The following NRXN3 variants were observed in gnomAD, a reference collection of about 807,000 sequenced individuals.
NRXN3 encodes neurexin 3, also known as neurexin III.
A neutral mutation model predicts 137.6 loss-of-function variants in NRXN3; 32 were observed. That is an observed-to-expected ratio of 0.23 (90% CI 0.18 to 0.31). The LOEUF (loss-of-function observed/expected upper bound fraction) is 0.31. NRXN3 is among the 10% of genes least tolerant of loss of function. NRXN3 has a pLI of 1.00. For missense variants in NRXN3, 1,574 were observed against 2,062.5 expected (o/e 0.76, Z 4.59); for synonymous variants, 798 against 784.5 (o/e 1.02, Z -0.29).
intron 8 of NRXN3, among the ~76,000 whole-genome samples, chr14:78,792,936 A>G (rs1474970286): frequency 1.3e-5 from 2 of 152,196 alleles, no homozygotes; most frequent in African/African-American, 4.8e-5. Context: ...TATAACACAG[A>G]TGAGCTCTTT....
chr14:79,052,375 A>C (rs2152573381), intron 15 of NRXN3, among the ~76,000 whole-genome samples: 1 of 152,360 alleles, frequency 6.6e-6, no homozygotes, highest in Admixed American at 6.5e-5. Flanking sequence ...AAAGAACTAA[A>C]GCTGATTTTT....
intron 15 of NRXN3, among the ~76,000 whole-genome samples, chr14:79,118,270 A>G (rs975169760): frequency 1.3e-5 from 2 of 152,128 alleles, no homozygotes; most frequent in Non-Finnish European, 2.9e-5. Context: ...TAGTTTGCTC[A>G]CAAAAGCTTC....
chr14:78,750,353 A>G (rs2098635110), intron 8 of NRXN3, among the ~76,000 whole-genome samples: 1 of 152,172 alleles, frequency 6.6e-6, no homozygotes, highest in South Asian at 2.1e-4. Context: ...AATCATAGGA[A>G]CCTCAAGTTT....
At chr14:79,056,511 A>G (rs77153591) in intron 15 of NRXN3, among the ~76,000 whole-genome samples, 1,984 of 152,294 alleles carry the variant, frequency 0.013, 42 homozygotes, top group African/African-American at 0.046. Flanking sequence ...CAATATAAAC[A>G]AAGAGCTATG....
chr14:78,777,960 G>A (rs2098750058), intron 8 of NRXN3, among the ~76,000 whole-genome samples: 1 of 152,016 alleles, frequency 6.6e-6, no homozygotes, highest in Non-Finnish European at 1.5e-5. Context: ...ACAGGGTTTT[G>A]CCATGTTGTA....
At chr14:78,291,182 T>C (rs2075770194) in intron 3 of NRXN3, among the ~76,000 whole-genome samples, 1 of 152,232 alleles carries the variant, frequency 6.6e-6, no homozygotes, top group Non-Finnish European at 1.5e-5. Flanking sequence ...ATGGTTACCA[T>C]CACAGGCTGG....
At chr14:79,471,638 G>GT (rs2096509177) in intron 16 of NRXN3, among the ~76,000 whole-genome samples, 1 of 152,164 alleles carries the variant, frequency 6.6e-6, no homozygotes, top group African/African-American at 2.4e-5. Context: ...CAGAATTTAA[G>GT]TTTTGATAGG....
chr14:79,192,299 T>C (rs760892135), intron 15 of NRXN3, among the ~76,000 whole-genome samples: 3 of 152,194 alleles, frequency 2.0e-5, no homozygotes, highest in Non-Finnish European at 4.4e-5. Flanking sequence ...TCTTTAGAGA[T>C]AGTTGTCAAG....
chr14:78,492,753 G>A (rs1402114571), intron 4 of NRXN3, among the ~76,000 whole-genome samples: 2 of 152,154 alleles, frequency 1.3e-5, no homozygotes, highest in African/African-American at 2.4e-5. Context: ...AAACTCTGAC[G>A]TGGTGTTAGT....
intron 20 of NRXN3, among the ~76,000 whole-genome samples, chr14:79,806,659 A>T (rs1243482060): frequency 6.6e-6 from 1 of 151,222 alleles, no homozygotes; most frequent in African/African-American, 2.4e-5. Context: ...CATTCAATAA[A>T]TATTTTTGAG....
At chr14:78,269,598 G>A (rs757163802) in intron 2 of NRXN3, among the ~76,000 whole-genome samples, 12 of 152,184 alleles carry the variant, frequency 7.9e-5, no homozygotes, top group South Asian at 4.1e-4. Context: ...TACATTTCAT[G>A]TTATGTGTAT....
At chr14:79,754,503 G>C (rs566837528) in intron 19 of NRXN3, among the ~76,000 whole-genome samples, 23 of 44,170 alleles carry the variant, frequency 5.2e-4, no homozygotes, top group African/African-American at 1.1e-3. Context: ...ACTCTCTCTT[G>C]ATATATATAT....
chr14:79,296,997 A>G (rs1297258084), intron 15 of NRXN3, among the ~76,000 whole-genome samples: 1 of 152,120 alleles, frequency 6.6e-6, no homozygotes, highest in African/African-American at 2.4e-5. Flanking sequence ...TCTCCCAACC[A>G]TTCATATTCA....
chr14:79,072,782 T>G (rs1568191573), intron 15 of NRXN3, among the ~76,000 whole-genome samples: 1 of 152,178 alleles, frequency 6.6e-6, no homozygotes, highest in Non-Finnish European at 1.5e-5. Context: ...ATGGTGCCAT[T>G]CAATGACTAT....
At chr14:79,363,714 C>T (rs2093772493) in intron 15 of NRXN3, among the ~76,000 whole-genome samples, 1 of 152,108 alleles carries the variant, frequency 6.6e-6, no homozygotes, top group African/African-American at 2.4e-5. Flanking sequence ...CCAGTCCAAA[C>T]AGATTGGAAG....
At chr14:79,521,194 T>C (rs1162251774) in intron 16 of NRXN3, among the ~76,000 whole-genome samples, 1 of 152,180 alleles carries the variant, frequency 6.6e-6, no homozygotes, top group Non-Finnish European at 1.5e-5. Flanking sequence ...TTGTTCCTGG[T>C]CCTCTCCTGT....
chr14:78,694,858 CA>C (rs1484583043), intron 6 of NRXN3, among the ~76,000 whole-genome samples: 1 of 151,956 alleles, frequency 6.6e-6, no homozygotes, highest in Admixed American at 6.6e-5. Flanking sequence ...TTTTTTATTG[CA>C]AGTCAAAGTC....
intron 3 of NRXN3, among the ~76,000 whole-genome samples, chr14:78,284,813 T>C (rs2074939888): frequency 6.6e-6 from 1 of 152,066 alleles, no homozygotes; most frequent in Non-Finnish European, 1.5e-5. Context: ...ATCCCAGCCA[T>C]TGTTCTCAAG....
At chr14:79,844,981 T>C (rs556510066) in intron 20 of NRXN3, among the ~76,000 whole-genome samples, 1 of 152,342 alleles carries the variant, frequency 6.6e-6, no homozygotes, top group Admixed American at 6.5e-5. Flanking sequence ...ATTTTCTGGA[T>C]AACCTGCTGC....
Sources: allele counts gnomAD v4.1 joint callset (sites outside exome capture counted in the v4.1 genomes callset), GRCh38; gene constraint gnomAD v4.1.1; transcripts MANE v1.5; gene names NCBI Gene and HGNC (gene_info 2026-07-23, HGNC 2026-07-21).